The following NEGR1 variants were observed in gnomAD, a reference collection of about 807,000 sequenced individuals.
NEGR1 encodes the protein neuronal growth regulator 1.
In NEGR1, 10 loss-of-function variants were observed where a neutral mutation model predicts 40.9. That is an observed-to-expected ratio of 0.24 (90% CI 0.15 to 0.42). The LOEUF (loss-of-function observed/expected upper bound fraction) is 0.42, where lower values mean the gene tolerates loss of function less well. NEGR1 is among the 10% of genes least tolerant of loss of function. NEGR1 has a pLI of 1.00. For missense variants in NEGR1, 352 were observed against 438.9 expected, an observed-to-expected ratio of 0.80 and a Z score of 1.77; for synonymous variants, 185 against 166.8, an observed-to-expected ratio of 1.11 and a Z score of -0.84.
intron 6 of NEGR1, among the ~76,000 whole-genome samples, chr1:71,552,443 C>T (rs1006140911): frequency 3.4e-5 from 5 of 149,188 alleles, no homozygotes; most frequent in Non-Finnish European, 4.5e-5. Flanking sequence ...TGGCCATGGT[C>T]GGCCCCTGCA....
intron 5 of NEGR1, among the ~76,000 whole-genome samples, chr1:71,609,367 A>T (rs937461078): frequency 1.3e-5 from 2 of 150,648 alleles, no homozygotes; most frequent in African/African-American, 4.9e-5. Context: ...TACAAAAAAT[A>T]AGCCGGGCGT....
At chr1:71,969,521 A>T (rs1177164463) in intron 1 of NEGR1, among the ~76,000 whole-genome samples, 1 of 152,234 alleles carries the variant, frequency 6.6e-6, no homozygotes, top group Non-Finnish European at 1.5e-5. Flanking sequence ...CAAGCAACCC[A>T]GTCAATCACA....
chr1:72,144,228 C>A (rs1362984139), intron 1 of NEGR1, among the ~76,000 whole-genome samples: 1 of 151,390 alleles, frequency 6.6e-6, no homozygotes, highest in African/African-American at 2.4e-5. Flanking sequence ...CAGGCACTCC[C>A]AATCATTCGT....
chr1:72,219,232 C>T (rs1393496595), intron 1 of NEGR1, among the ~76,000 whole-genome samples: 1 of 151,970 alleles, frequency 6.6e-6, no homozygotes, highest in African/African-American at 2.4e-5. Flanking sequence ...ACCAAAAAAT[C>T]ATCTCAAAGC....
intron 1 of NEGR1, among the ~76,000 whole-genome samples, chr1:72,047,580 TATA>T (rs1471701199): frequency 6.6e-6 from 1 of 151,440 alleles, no homozygotes; most frequent in Non-Finnish European, 1.5e-5. Flanking sequence ...TAGAATCTTT[TATA>T]ATAATATATG....
intron 2 of NEGR1, among the ~76,000 whole-genome samples, chr1:71,908,083 C>T (rs1184365520): frequency 1.3e-5 from 2 of 151,988 alleles, no homozygotes. Context: ...CAAGATCGCT[C>T]ATATCCCAAA....
chr1:71,732,603 C>T (rs1654919582), intron 3 of NEGR1, among the ~76,000 whole-genome samples: 1 of 151,950 alleles, frequency 6.6e-6, no homozygotes, highest in Non-Finnish European at 1.5e-5. Flanking sequence ...TAGTTAGCTT[C>T]AAACCTCTGT....
intron 2 of NEGR1, among the ~76,000 whole-genome samples, chr1:71,810,304 A>G (rs1039919413): frequency 2.0e-5 from 3 of 152,100 alleles, no homozygotes; most frequent in Admixed American, 1.3e-4. Context: ...TTTTGAAATC[A>G]TGGTTTTTCT....
In NEGR1 at chr1:71,710,510, G is replaced by A. The variant is rs553745633; in HGVS notation, c.536-12371C>T. Among the ~76,000 whole-genome samples, 89 of 152,286 alleles carry A rather than the reference G, an allele frequency of 5.8e-4. 1 individual carries two copies. Among genetic ancestry groups the A allele is most frequent in the African/African-American group, 2.1e-3 (88 of 41,558 alleles). ...CAACAGATGAATGGATAAATAAAAT[G>A]TGGTACATATACACAGTGGAGTACT... On this transcript the variant is annotated intron_variant, in intron 3 of 6. Coordinates refer to ENST00000357731, the MANE Select transcript of NEGR1 (RefSeq NM_173808.3).
At chr1:71,595,977 TTGAC>T (rs1482783834) in intron 5 of NEGR1, among the ~76,000 whole-genome samples, 4 of 151,746 alleles carry the variant, frequency 2.6e-5, no homozygotes, top group African/African-American at 7.3e-5. Flanking sequence ...CATTCTTATA[TTGAC>T]TTAGATTATA....
At chr1:72,264,120 C>T (rs1328170225) in intron 1 of NEGR1, among the ~76,000 whole-genome samples, 5 of 151,336 alleles carry the variant, frequency 3.3e-5, no homozygotes. Context: ...AAATCTGTAA[C>T]TCTGAGTAGT....
intron 6 of NEGR1, among the ~76,000 whole-genome samples, chr1:71,512,908 A>G (rs1647086077): frequency 6.6e-6 from 1 of 152,214 alleles, no homozygotes; most frequent in East Asian, 1.9e-4. Context: ...AAATGTGTAA[A>G]TAAAATAAGC....
rs141251440 is a variant in NEGR1 at position 72,050,892 on chromosome 1, A to C, written c.177-115581T>G. Among the ~76,000 whole-genome samples, 22 of 151,598 alleles carry C rather than the reference A, an allele frequency of 1.5e-4. No homozygotes were observed. In the East Asian group the frequency reaches 3.9e-3, roughly 27 times the overall value. On this transcript the variant is annotated intron_variant, in intron 1 of 6. Coordinates refer to ENST00000357731, the MANE Select transcript of NEGR1 (RefSeq NM_173808.3). ...AGAAGCCCACTTAGAGTAGAACAGA[A>C]GTTTTCTTAATAGTGCCAATTTGCC...
intron 1 of NEGR1, among the ~76,000 whole-genome samples, chr1:72,125,397 A>T (rs933630580): frequency 2.0e-5 from 3 of 152,094 alleles, no homozygotes; most frequent in African/African-American, 7.2e-5. Flanking sequence ...ATAACACTCT[A>T]TCATTACTTA....
chr1:71,467,051 AT>A lies in NEGR1; in HGVS notation c.941-59482del, dbSNP rs568619406. 1.4e-3 allele frequency among the ~76,000 whole-genome samples: 217 copies of A among 152,254 alleles called. 2 individuals carry two copies. The highest frequency in any genetic ancestry group is 7.2e-4 in the Non-Finnish European group (49 of 68,002). ...TGGCCAGAAGATTTAGCCTCTGTCC[AT>A]TGTCAACATTTATGTAGCAATGTTA... On this transcript the variant is annotated intron_variant, in intron 6 of 6. Transcript: ENST00000357731.
intron 1 of NEGR1, among the ~76,000 whole-genome samples, chr1:72,256,913 T>C (rs1435264862): frequency 6.6e-6 from 1 of 151,640 alleles, no homozygotes; most frequent in Non-Finnish European, 1.5e-5. Context: ...ATAAAATCCA[T>C]GTAACGGCAT....
intron 2 of NEGR1, among the ~76,000 whole-genome samples, chr1:71,862,566 C>A (rs1156587783): frequency 1.3e-5 from 2 of 152,034 alleles, no homozygotes; most frequent in Non-Finnish European, 2.9e-5. Context: ...TGGCTTTCCT[C>A]TCCATTCTGT....
At chr1:71,816,017 C>CAATAA (rs1658193289) in intron 2 of NEGR1, among the ~76,000 whole-genome samples, 1 of 152,054 alleles carries the variant, frequency 6.6e-6, no homozygotes, top group South Asian at 2.1e-4. Context: ...CAAGGTGCAT[C>CAATAA]AATAAAATCA....
intron 2 of NEGR1, among the ~76,000 whole-genome samples, chr1:71,784,071 T>C (rs180948746): frequency 6.6e-6 from 1 of 152,252 alleles, no homozygotes; most frequent in East Asian, 1.9e-4. Flanking sequence ...GATGCTGATA[T>C]TGGACAAGGC....
Sources: gnomAD v4.1 joint callset for allele counts (sites outside exome capture counted in the v4.1 genomes callset) on GRCh38, gnomAD v4.1.1 for gene constraint, MANE v1.5 for transcripts, NCBI Gene and HGNC (gene_info 2026-07-23, HGNC 2026-07-21) for gene names.